The following TTC23 variants were observed in gnomAD, a reference collection of about 807,000 sequenced individuals.
TTC23 encodes tetratricopeptide repeat domain 23.
Under a neutral mutation model 55.1 loss-of-function variants are expected in TTC23, and 58 were observed. That is an observed-to-expected ratio of 1.05 (90% CI 0.85 to 1.31). The LOEUF (loss-of-function observed/expected upper bound fraction) is 1.31, where lower values mean the gene tolerates loss of function less well. TTC23 is among the 50% of genes most tolerant of loss of function. The probability of loss-of-function intolerance (pLI) is 0.00; values close to 1 mark genes in which losing one functional copy is unlikely to be tolerated. For missense variants in TTC23, 516 were observed against 534.4 expected (o/e 0.97, Z 0.34); for synonymous variants, 203 against 199.9 (o/e 1.02, Z -0.13).
At chr15:99,211,882 A>G (rs1030157257) in intron 8 of TTC23, among the ~76,000 whole-genome samples, 1 of 152,028 alleles carries the variant, frequency 6.6e-6, no homozygotes, top group Admixed American at 6.5e-5. Flanking sequence ...TTTAATAGAG[A>G]TGGGGATTCA....
intron 11 of TTC23, chr15:99,159,416 T>C (rs1040426577): frequency 6.6e-6 from 1 of 152,248 alleles, no homozygotes; most frequent in African/African-American, 2.4e-5. Context: ...TTACAAATAT[T>C]TGATGACATC....
intron 11 of TTC23, chr15:99,159,522 T>G (rs1027604057): frequency 6.6e-6 from 1 of 152,274 alleles, no homozygotes; most frequent in South Asian, 2.1e-4. Flanking sequence ...TGGGTTAGCA[T>G]TGGCCTGGAG....
chr15:99,165,097 G>A (rs1359128575), intron 10 of TTC23, among the ~76,000 whole-genome samples: 3 of 152,196 alleles, frequency 2.0e-5, no homozygotes, highest in Admixed American at 2.0e-4. Flanking sequence ...AAATGTTGAT[G>A]ATTTTAATTT....
chr15:99,237,616 A>G (rs994358620), intron 3 of TTC23, among the ~76,000 whole-genome samples: 19 of 152,312 alleles, frequency 1.2e-4, no homozygotes, highest in Non-Finnish European at 2.6e-4. Flanking sequence ...AAAGCAGATC[A>G]GTGATTGCCC....
rs759284701 is a variant in TTC23 at position 99,200,007 on chromosome 15, C to T, written c.671G>A (p.Ser224Asn). 10 of 1,613,980 alleles carry T rather than the reference C, an allele frequency of 6.2e-6. No homozygotes were observed. The Admixed American group carries it at 1.7e-4, about 27-fold the overall frequency. Residue 224 changes from serine (S) to asparagine (N), a missense_variant, in exon 9 of 14, where the codon AGT becomes AAT. Physicochemically the swap from Ser to Asn is conservative, Grantham distance 46 (BLOSUM62 1). Coordinates refer to ENST00000394132, the MANE Select transcript of TTC23 (RefSeq NM_001288615.3). ...EYVEISKGET[S>N]RECVPILREL... is the part of the protein sequence containing the mutation. ...TCTCAATATGGGTACACACTCACGA[C>T]TTGTTTCACCTTTACTGATCTCAAC...
chr15:99,138,244 G>C, intron 13 of TTC23, 117 bp from the exon 14 acceptor site: 1 of 1,212,910 alleles, frequency 8.2e-7, no homozygotes, highest in Non-Finnish European at 1.2e-6. Flanking sequence ...ACTTGGTAGG[G>C]GCTATAAATG....
intron 1 of TTC23, among the ~76,000 whole-genome samples, 180 bp from the exon 2 acceptor site, chr15:99,245,690 T>G (rs1345340077): frequency 2.0e-5 from 3 of 151,064 alleles, no homozygotes; most frequent in African/African-American, 7.3e-5. Flanking sequence ...GATAGATACA[T>G]GAAAAGAATA....
At chr15:99,204,497 C>G (rs2076444453) in intron 8 of TTC23, among the ~76,000 whole-genome samples, 1 of 151,868 alleles carries the variant, frequency 6.6e-6, no homozygotes, top group South Asian at 2.1e-4. Context: ...TGATGTGATC[C>G]CATTTGTCCA....
At chr15:99,193,432 T>C (rs1419004457) in intron 9 of TTC23, among the ~76,000 whole-genome samples, 3 of 152,128 alleles carry the variant, frequency 2.0e-5, no homozygotes, top group Non-Finnish European at 4.4e-5. Flanking sequence ...GTAAGTCTCA[T>C]GAGATCTAAC....
At chr15:99,206,205 T>C (rs558593654) in intron 8 of TTC23, among the ~76,000 whole-genome samples, 1 of 152,316 alleles carries the variant, frequency 6.6e-6, no homozygotes, top group African/African-American at 2.4e-5. Context: ...ATCTTTTTAA[T>C]GTGTAGTTGA....
rs145785183 is a variant in TTC23, at chr15:99,232,097, C to G, written c.-21+2891G>C. On this transcript the variant is annotated intron_variant, in intron 4 of 13. Coordinates refer to ENST00000394132, the MANE Select transcript of TTC23 (RefSeq NM_001288615.3). Reference sequence around the variant, plus strand: ...ATGAGCCACCATGCCTGGCCTGTGTCTTAGTTTTAACAAAAAAGTTTAAAA... The same window carrying G: ...ATGAGCCACCATGCCTGGCCTGTGTGTTAGTTTTAACAAAAAAGTTTAAAA... 4.5e-3 allele frequency among the ~76,000 whole-genome samples: 681 copies of G among 151,500 alleles called. 5 individuals are homozygous for G. Among genetic ancestry groups the G allele is most frequent in the African/African-American group, 0.016 (656 of 41,256 alleles).
At chr15:99,159,783 T>G (rs1340313000) in intron 11 of TTC23, 1 of 152,232 alleles carries the variant, frequency 6.6e-6, no homozygotes, top group African/African-American at 2.4e-5. Context: ...GATCTGCTTT[T>G]TGGAAACATC....
intron 13 of TTC23, among the ~76,000 whole-genome samples, chr15:99,138,825 CA>C (rs201498463): frequency 0.037 from 5,612 of 152,342 alleles, 160 homozygotes; most frequent in Non-Finnish European, 0.057. Context: ...TGAGCAGACT[CA>C]GGCAGCCCTG....
chr15:99,240,959 C>T (rs1231288686), intron 3 of TTC23, among the ~76,000 whole-genome samples: 1 of 152,082 alleles, frequency 6.6e-6, no homozygotes, highest in African/African-American at 2.4e-5. Flanking sequence ...GAGTCTGTGG[C>T]CTTACTTTAA....
intron 8 of TTC23, among the ~76,000 whole-genome samples, chr15:99,215,704 A>C (rs942595816): frequency 6.6e-6 from 1 of 152,004 alleles, no homozygotes; most frequent in African/African-American, 2.4e-5. Flanking sequence ...CCATGACCCC[A>C]CCACTGTACT....
At chr15:99,162,710 T>A (rs1264952929) in intron 10 of TTC23, among the ~76,000 whole-genome samples, 1 of 152,152 alleles carries the variant, frequency 6.6e-6, no homozygotes, top group African/African-American at 2.4e-5. Flanking sequence ...CCTGTGGTTA[T>A]GGATGGAACT....
intron 8 of TTC23, among the ~76,000 whole-genome samples, chr15:99,208,567 C>A (rs1342995116): frequency 6.6e-6 from 1 of 152,138 alleles, no homozygotes; most frequent in Non-Finnish European, 1.5e-5. Flanking sequence ...CCCCTCACCT[C>A]CTCAGGTTGC....
chr15:99,239,252 C>G (rs934855345), intron 3 of TTC23, among the ~76,000 whole-genome samples: 1 of 152,008 alleles, frequency 6.6e-6, no homozygotes, highest in Non-Finnish European at 1.5e-5. Flanking sequence ...TGTGGGAGGT[C>G]GAGGCATGCA....
At chr15:99,175,847 T>C (rs1195716111) in intron 9 of TTC23, among the ~76,000 whole-genome samples, 2 of 152,046 alleles carry the variant, frequency 1.3e-5, no homozygotes, top group African/African-American at 4.8e-5. Context: ...ATATAAAAAT[T>C]AGCCGGGTAT....
Sources: gnomAD v4.1 joint callset for allele counts (sites outside exome capture counted in the v4.1 genomes callset) on GRCh38, gnomAD v4.1.1 for gene constraint, MANE v1.5 for transcripts, NCBI Gene and HGNC (gene_info 2026-07-23, HGNC 2026-07-21) for gene names.